HLCS: variants seen among roughly 807,000 people sequenced by gnomAD.
The protein encoded by HLCS is biotin--protein ligase.
Under a neutral mutation model 75.0 loss-of-function variants are expected in HLCS, and 53 were observed. That is an observed-to-expected ratio of 0.71 (90% CI 0.57 to 0.89). HLCS has a LOEUF of 0.89. Ranked by LOEUF, HLCS falls within the 40% of genes least tolerant of loss-of-function variation. HLCS has a pLI of 0.00. For synonymous variants in HLCS, 431 were observed against 428.6 expected, an observed-to-expected ratio of 1.01 and a Z score of -0.07; for missense variants, 966 against 1,074.0, an observed-to-expected ratio of 0.90 and a Z score of 1.41.
At chr21:36,905,928 T>C (rs1364786584) in intron 5 of HLCS, among the ~76,000 whole-genome samples, 1 of 151,690 alleles carries the variant, frequency 6.6e-6, no homozygotes. Context: ...CACACACCTA[T>C]AATCTCAGGT....
At chr21:36,964,282 C>G (rs2068455835) in intron 1 of HLCS, among the ~76,000 whole-genome samples, 1 of 152,160 alleles carries the variant, frequency 6.6e-6, no homozygotes, top group South Asian at 2.1e-4. Flanking sequence ...ACTGAGGTAT[C>G]CCTCAAAAGT....
At chr21:36,894,199 G>A (rs575593226) in intron 6 of HLCS, among the ~76,000 whole-genome samples, 2 of 152,222 alleles carry the variant, frequency 1.3e-5, no homozygotes, top group East Asian at 1.9e-4. Flanking sequence ...CTTCTGCAAC[G>A]ATTGTAAGTT....
chr21:36,861,382 TTC>T (rs1198208617), intron 6 of HLCS, among the ~76,000 whole-genome samples: 2 of 152,216 alleles, frequency 1.3e-5, no homozygotes, highest in African/African-American at 4.8e-5. Context: ...TTGTTATACT[TTC>T]TTTTTTCTTT....
intron 6 of HLCS, among the ~76,000 whole-genome samples, chr21:36,881,023 T>G (rs1438213246): frequency 6.6e-6 from 1 of 151,976 alleles, no homozygotes; most frequent in Non-Finnish European, 1.5e-5. Flanking sequence ...CAGGCTGGAG[T>G]GCAGTGGCGT....
chr21:36,931,746 A>T (rs1821304338), intron 4 of HLCS, among the ~76,000 whole-genome samples: 2 of 118,024 alleles, frequency 1.7e-5, no homozygotes, highest in Non-Finnish European at 3.7e-5. Flanking sequence ...GCGACCATTT[A>T]AAAAGAAAAA....
At chr21:36,852,609 ATTCACAC>A (rs1601516098) in intron 6 of HLCS, among the ~76,000 whole-genome samples, 1 of 152,144 alleles carries the variant, frequency 6.6e-6, no homozygotes, top group Non-Finnish European at 1.5e-5. Flanking sequence ...TCCAAAACAC[ATTCACAC>A]TTCATGGCCA....
intron 4 of HLCS, among the ~76,000 whole-genome samples, chr21:36,934,432 G>A (rs1017344525): frequency 6.6e-6 from 1 of 152,190 alleles, no homozygotes; most frequent in Admixed American, 6.5e-5. Flanking sequence ...CTGCTGCCAT[G>A]TGCTAAGCTA....
At chr21:36,976,615 C>T (rs1459011604) in intron 1 of HLCS, among the ~76,000 whole-genome samples, 2 of 152,096 alleles carry the variant, frequency 1.3e-5, no homozygotes, top group African/African-American at 4.8e-5. Context: ...AATAATGTTG[C>T]ACCAATGTCA....
chr21:36,957,807 C>G (rs7509886), intron 2 of HLCS, among the ~76,000 whole-genome samples: 1 of 150,790 alleles, frequency 6.6e-6, no homozygotes, highest in Non-Finnish European at 1.5e-5. Context: ...CACGCGCCTG[C>G]AGTCCCAGCT....
chr21:36,938,770 C>T, intron 3 of HLCS, 62 bp downstream of exon 3: 6 of 1,558,648 alleles, frequency 3.8e-6, no homozygotes, highest in Non-Finnish European at 5.3e-6. Context: ...TTCCAAAGTG[C>T]TGGGATTACA....
intron 1 of HLCS, chr21:36,971,970 T>C (rs879536990): frequency 3.9e-5 from 6 of 152,204 alleles, no homozygotes; most frequent in Admixed American, 6.5e-5. Context: ...ATTTGTTGTA[T>C]TGATAAAGAT....
chr21:36,988,022 G>A (rs2069259834), intron 1 of HLCS, among the ~76,000 whole-genome samples: 1 of 152,118 alleles, frequency 6.6e-6, no homozygotes, highest in Non-Finnish European at 1.5e-5. Flanking sequence ...GTTCACTTCT[G>A]TTTGTATTCA....
chr21:36,894,984 A>C (rs967826879), intron 6 of HLCS, among the ~76,000 whole-genome samples: 1 of 152,040 alleles, frequency 6.6e-6, no homozygotes, highest in Non-Finnish European at 1.5e-5. Context: ...CCCTCTGCGG[A>C]TGTGCGGGAG....
chr21:36,854,049 T>TA (rs1043358350), intron 6 of HLCS, among the ~76,000 whole-genome samples: 1 of 152,182 alleles, frequency 6.6e-6, no homozygotes, highest in Admixed American at 6.5e-5. Flanking sequence ...TTTTGACTAT[T>TA]AAAAAAGAGT....
At chr21:36,771,125 C>G (rs2145793298) in intron 6 of HLCS, among the ~76,000 whole-genome samples, 1 of 152,182 alleles carries the variant, frequency 6.6e-6, no homozygotes, top group South Asian at 2.1e-4. Flanking sequence ...GAGGCTGAGG[C>G]AGGAGAATGG....
intron 6 of HLCS, among the ~76,000 whole-genome samples, chr21:36,814,997 G>A (rs1043370317): frequency 1.3e-5 from 2 of 151,872 alleles, no homozygotes; most frequent in African/African-American, 4.8e-5. Flanking sequence ...GTGGCTGAGG[G>A]AAAGGAGGCC....
intron 6 of HLCS, among the ~76,000 whole-genome samples, chr21:36,799,705 C>T (rs1051295227): frequency 1.2e-4 from 19 of 152,142 alleles, no homozygotes; most frequent in African/African-American, 4.6e-4. Flanking sequence ...AGTGCTGGGT[C>T]TCCCCAGCCT....
intron 2 of HLCS, among the ~76,000 whole-genome samples, chr21:36,944,383 G>A (rs2067284644): frequency 6.6e-6 from 1 of 152,130 alleles, no homozygotes; most frequent in Admixed American, 6.5e-5. Context: ...ATAGAAAGAG[G>A]CGCAAGACAA....
At chr21:36,817,219 C>T (rs1001242690) in intron 6 of HLCS, among the ~76,000 whole-genome samples, 2 of 152,162 alleles carry the variant, frequency 1.3e-5, no homozygotes, top group Non-Finnish European at 2.9e-5. Flanking sequence ...TTATAAACAT[C>T]GGTATTTTTT....
Sources: gnomAD v4.1 joint callset for allele counts (sites outside exome capture counted in the v4.1 genomes callset) on GRCh38, gnomAD v4.1.1 for gene constraint, MANE v1.5 for transcripts, NCBI Gene and HGNC (gene_info 2026-07-23, HGNC 2026-07-21) for gene names.